The following SFMBT2 variants were observed in gnomAD, a reference collection of about 807,000 sequenced individuals.
The protein encoded by SFMBT2 is Scm like with four mbt domains 2.
Under a neutral mutation model 110.1 loss-of-function variants are expected in SFMBT2, and 38 were observed. That is an observed-to-expected ratio of 0.35 (90% confidence interval 0.27 to 0.45). The LOEUF is 0.45. SFMBT2 is among the 20% of genes least tolerant of loss of function. The pLI is 1.00. For synonymous variants in SFMBT2, 425 were observed against 425.4 expected (o/e 1.00, Z 0.01); for missense variants, 1,011 against 1,094.9 (o/e 0.92, Z 1.08).
At chr10:7,406,588 T>C (rs1846216344) in intron 1 of SFMBT2, among the ~76,000 whole-genome samples, 2 of 152,228 alleles carry the variant, frequency 1.3e-5, no homozygotes, top group South Asian at 2.1e-4. Context: ...GAACCTTTTC[T>C]GGCTTTTTAA....
chr10:7,225,740 CT>C (rs1839881670), intron 10 of SFMBT2, among the ~76,000 whole-genome samples: 1 of 152,152 alleles, frequency 6.6e-6, no homozygotes, highest in Admixed American at 6.6e-5. Flanking sequence ...GAAGAAATCA[CT>C]CTTTAAATAT....
chr10:7,395,074 T>C (rs530995435), intron 1 of SFMBT2, among the ~76,000 whole-genome samples: 10 of 152,142 alleles, frequency 6.6e-5, no homozygotes, highest in Non-Finnish European at 1.3e-4. Flanking sequence ...ATCCCAGCAC[T>C]CTGGGAAGCC....
At chr10:7,402,376 G>A (rs1490710574) in intron 1 of SFMBT2, among the ~76,000 whole-genome samples, 4 of 152,124 alleles carry the variant, frequency 2.6e-5, no homozygotes, top group African/African-American at 4.8e-5. Flanking sequence ...GCCATCCATC[G>A]CAGGAAAAAT....
chr10:7,288,862 C>CCCCA (rs1554798915), intron 4 of SFMBT2, among the ~76,000 whole-genome samples: 1 of 151,298 alleles, frequency 6.6e-6, no homozygotes, highest in Non-Finnish European at 1.5e-5. Context: ...AACCCCCCCC[C>CCCCA]CCATCTCCAC....
intron 7 of SFMBT2, among the ~76,000 whole-genome samples, chr10:7,251,107 T>C (rs1299169868): frequency 6.6e-6 from 1 of 151,964 alleles, no homozygotes; most frequent in East Asian, 1.9e-4. Flanking sequence ...TATATGAATG[T>C]ATTAATCACA....
chr10:7,396,911 G>A (rs1425173929), intron 1 of SFMBT2, among the ~76,000 whole-genome samples: 1 of 125,862 alleles, frequency 7.9e-6, no homozygotes, highest in Non-Finnish European at 1.7e-5. Flanking sequence ...GTGGGGGGAT[G>A]GGGGGAGGGG....
chr10:7,265,041 C>T (rs1438939862), intron 7 of SFMBT2, among the ~76,000 whole-genome samples: 4 of 150,960 alleles, frequency 2.6e-5, no homozygotes, highest in Admixed American at 2.6e-4. Flanking sequence ...GGTTTGTGAG[C>T]AACAGGATTT....
At chr10:7,349,440 CTTTTT>C (rs369479041) in intron 4 of SFMBT2, among the ~76,000 whole-genome samples, 486 of 46,886 alleles carry the variant, frequency 0.01, 7 homozygotes, top group African/African-American at 0.042. Context: ...CTTTTCTTTT[CTTTTT>C]TTTTTTTTTT....
At chr10:7,234,706 C>T (rs1356366945) in intron 9 of SFMBT2, among the ~76,000 whole-genome samples, 2 of 152,014 alleles carry the variant, frequency 1.3e-5, no homozygotes, top group East Asian at 1.9e-4. Flanking sequence ...AGTCTCCCTA[C>T]AGATATCAGA....
At chr10:7,411,045 C>G (rs1298553851), upstream of SFMBT2, among the ~76,000 whole-genome samples, 1 of 143,858 alleles carries the variant, frequency 7.0e-6, no homozygotes, top group Non-Finnish European at 1.5e-5. Context: ...GGCATCCTCT[C>G]TGTGCGCATG....
chr10:7,195,403 A>C (rs1838736298), intron 15 of SFMBT2, among the ~76,000 whole-genome samples: 1 of 152,112 alleles, frequency 6.6e-6, no homozygotes, highest in African/African-American at 2.4e-5. Flanking sequence ...TGAATTTCTC[A>C]TATATGGAAT....
intron 7 of SFMBT2, among the ~76,000 whole-genome samples, chr10:7,261,647 AC>A (rs1841207948): frequency 6.6e-6 from 1 of 152,256 alleles, no homozygotes; most frequent in Non-Finnish European, 1.5e-5. Flanking sequence ...GCAGGTCACC[AC>A]AAGTGCAAGA....
chr10:7,299,666 A>G (rs1842502390), intron 4 of SFMBT2, among the ~76,000 whole-genome samples: 1 of 152,186 alleles, frequency 6.6e-6, no homozygotes, highest in African/African-American at 2.4e-5. Context: ...ATTGTGGAAG[A>G]CAGTATGGCG....
chr10:7,264,694 T>G (rs1487919148), intron 7 of SFMBT2, among the ~76,000 whole-genome samples: 1 of 152,142 alleles, frequency 6.6e-6, no homozygotes, highest in Admixed American at 6.5e-5. Context: ...ACCCGTCAGC[T>G]ACATACACTC....
chr10:7,223,707 T>G (rs959369185), intron 10 of SFMBT2, among the ~76,000 whole-genome samples: 2 of 152,234 alleles, frequency 1.3e-5, no homozygotes, highest in African/African-American at 4.8e-5. Context: ...ACTTCCTATC[T>G]TTTCATTCAT....
chr10:7,252,072 T>A (rs959934280), intron 7 of SFMBT2, among the ~76,000 whole-genome samples: 2 of 152,232 alleles, frequency 1.3e-5, no homozygotes, highest in African/African-American at 4.8e-5. Context: ...TAAGCAGGGT[T>A]TACCCATAAC....
intron 8 of SFMBT2, among the ~76,000 whole-genome samples, chr10:7,245,486 T>A (rs2131724339): frequency 6.6e-6 from 1 of 152,346 alleles, no homozygotes; most frequent in Middle Eastern, 3.4e-3. Context: ...CTTAGTAAGT[T>A]TCATCAAATC....
rs189084821 is a variant in SFMBT2 at position 7,274,768 on chromosome 10, T to C, written c.870+2124A>G. Among the ~76,000 whole-genome samples the C allele has an allele frequency of 1.3e-4, 19 of 151,974 alleles. No homozygotes were observed. The East Asian group carries it at 3.5e-3, about 28-fold the overall frequency. On this transcript the variant is annotated intron_variant, in intron 7 of 20. Coordinates refer to ENST00000397167, the MANE Select transcript of SFMBT2 (RefSeq NM_001387889.1). ...TACTTGGGAGGCTGAGACAGGAGGA[T>C]GGCTTGAGCCTGGGAGTTTGACACT... is the stretch of plus-strand genomic sequence containing the variant.
intron 7 of SFMBT2, among the ~76,000 whole-genome samples, chr10:7,261,347 G>A (rs1831357088): frequency 6.6e-6 from 1 of 152,186 alleles, no homozygotes; most frequent in African/African-American, 2.4e-5. Flanking sequence ...TCCTCAAGGT[G>A]AGTGGCTTAT....
Sources: allele counts gnomAD v4.1 joint callset (sites outside exome capture counted in the v4.1 genomes callset), GRCh38; gene constraint gnomAD v4.1.1; transcripts MANE v1.5; gene names NCBI Gene and HGNC (gene_info 2026-07-23, HGNC 2026-07-21).